Variants in CADM2 observed in about 807,000 individuals in gnomAD.
CADM2 encodes cell adhesion molecule 2.
In CADM2, 12 loss-of-function variants were observed where a neutral mutation model predicts 49.8. That is an observed-to-expected ratio of 0.24 (90% CI 0.15 to 0.39). The LOEUF (loss-of-function observed/expected upper bound fraction) is 0.39. Ranked by LOEUF, CADM2 falls within the 10% of genes least tolerant of loss-of-function variation. The probability of loss-of-function intolerance (pLI) is 1.00; values close to 1 mark genes in which losing one functional copy is unlikely to be tolerated. For missense variants in CADM2, 378 were observed against 492.3 expected (o/e 0.77, Z 2.20); for synonymous variants, 214 against 175.4 (o/e 1.22, Z -1.74).
At chr3:86,016,024 A>C (rs1295619580) in intron 8 of CADM2, among the ~76,000 whole-genome samples, 1 of 152,140 alleles carries the variant, frequency 6.6e-6, no homozygotes, top group Admixed American at 6.6e-5. Context: ...CAAAATGTGA[A>C]TTTTGTTTAA....
At chr3:85,569,138 C>T (rs1161496136) in intron 1 of CADM2, among the ~76,000 whole-genome samples, 1 of 152,116 alleles carries the variant, frequency 6.6e-6, no homozygotes, top group African/African-American at 2.4e-5. Flanking sequence ...ACCTACCTCC[C>T]CTCCACACCC....
intron 1 of CADM2, among the ~76,000 whole-genome samples, chr3:85,012,283 G>A (rs1464300046): frequency 6.7e-6 from 1 of 150,148 alleles, no homozygotes; most frequent in Non-Finnish European, 1.5e-5. Context: ...GCTTTTCCAG[G>A]TTGCTCATCC....
intron 1 of CADM2, among the ~76,000 whole-genome samples, chr3:84,993,223 C>T (rs1020450674): frequency 6.6e-6 from 1 of 151,996 alleles, no homozygotes; most frequent in Non-Finnish European, 1.5e-5. Flanking sequence ...ATTCCTAAAA[C>T]GAAAAGAAGT....
At chr3:85,031,817 GC>G (rs926588000) in intron 1 of CADM2, among the ~76,000 whole-genome samples, 1 of 152,162 alleles carries the variant, frequency 6.6e-6, no homozygotes, top group African/African-American at 2.4e-5. Context: ...ACCACGCCCG[GC>G]CCAGATGTTT....
At chr3:85,421,052 A>T (rs2036146606) in intron 1 of CADM2, among the ~76,000 whole-genome samples, 1 of 152,184 alleles carries the variant, frequency 6.6e-6, no homozygotes. Context: ...AATGTCTATT[A>T]ATATTTTAAA....
rs556266258 is a variant in CADM2, at chr3:85,297,935, C to T, written c.61+338267C>T. ...TCATGTAATAAATATTTGTTAGATG[C>T]CTTGAAAGGAAGAAATAAAAAACTG... On this transcript the variant is annotated intron_variant, in intron 1 of 9. Transcript: ENST00000383699. Among the ~76,000 whole-genome samples the T allele has an allele frequency of 3.0e-3, 453 of 151,966 alleles. 2 individuals are homozygous for T. Among genetic ancestry groups the T allele is most frequent in the Non-Finnish European group, 4.8e-3 (326 of 67,964 alleles).
chr3:85,750,620 A>C (rs953864528), intron 2 of CADM2, among the ~76,000 whole-genome samples: 1 of 152,128 alleles, frequency 6.6e-6, no homozygotes. Context: ...TCCCTTTCTC[A>C]TGGTAAGAAC....
chr3:86,038,782 A>T lies in CADM2; in HGVS notation c.971-26823A>T, dbSNP rs956404065. On this transcript the variant is annotated intron_variant, in intron 8 of 9. Coordinates refer to ENST00000383699, the MANE Select transcript of CADM2 (RefSeq NM_001167675.2). ...CCAAGCTTATGAAGTAAATGTCACT[A>T]CTTTTATTTTACATGTAAGGGAACA... Among the ~76,000 whole-genome samples, 4 of 152,152 alleles carry T rather than the reference A, an allele frequency of 2.6e-5. No individual in the cohort carries two copies. In the East Asian group the frequency reaches 7.7e-4, roughly 29 times the overall value.
intron 1 of CADM2, among the ~76,000 whole-genome samples, chr3:85,256,237 T>C (rs1357366199): frequency 2.0e-5 from 3 of 152,166 alleles, no homozygotes; most frequent in Middle Eastern, 6.8e-3. Context: ...GGCTCTTTTC[T>C]CATCAGGATC....
intron 1 of CADM2, among the ~76,000 whole-genome samples, chr3:85,544,933 G>A (rs1385219283): frequency 6.6e-6 from 1 of 152,144 alleles, no homozygotes; most frequent in African/African-American, 2.4e-5. Flanking sequence ...GAACAATCAT[G>A]TTTACATACT....
chr3:85,661,442 T>C (rs369840866), intron 1 of CADM2, among the ~76,000 whole-genome samples: 28 of 152,176 alleles, frequency 1.8e-4, no homozygotes, highest in African/African-American at 5.1e-4. Flanking sequence ...ATGAAAAAGA[T>C]GCTAGTTGGG....
At chr3:84,987,531 G>T (rs1404375004) in intron 1 of CADM2, among the ~76,000 whole-genome samples, 1 of 151,854 alleles carries the variant, frequency 6.6e-6, no homozygotes, top group Non-Finnish European at 1.5e-5. Context: ...TGAATGTCTT[G>T]CCCACCAGAT....
chr3:85,916,153 C>CATTTAAA (rs1718277737), intron 6 of CADM2, among the ~76,000 whole-genome samples: 2 of 152,002 alleles, frequency 1.3e-5, no homozygotes, highest in African/African-American at 4.8e-5. Flanking sequence ...AATACTGCCA[C>CATTTAAA]TATGATGAAA....
intron 1 of CADM2, among the ~76,000 whole-genome samples, chr3:85,147,275 C>CAAAAAAAAAAAAAAAAAA (rs759888985): frequency 1.5e-4 from 7 of 45,964 alleles, no homozygotes; most frequent in African/African-American, 3.5e-4. Context: ...GACTCTGTCT[C>CAAAAAAAAAAAAAAAAAA]AAAAAAAAAA....
intron 1 of CADM2, among the ~76,000 whole-genome samples, chr3:85,228,430 G>A (rs1038018006): frequency 1.3e-5 from 2 of 151,050 alleles, no homozygotes; most frequent in East Asian, 2.0e-4. Context: ...TATTGAAACT[G>A]TTTTCTCCCC....
chr3:85,306,295 T>G lies in CADM2; in HGVS notation c.61+346627T>G, dbSNP rs1268468682. ...ATATGTTTTTAAATTGCAAATTTGT[T>G]GTTAAGAATTGATTTTTGACTGGTA... On this transcript the variant is annotated intron_variant, in intron 1 of 9. Coordinates refer to ENST00000383699, the MANE Select transcript of CADM2 (RefSeq NM_001167675.2). Among the ~76,000 whole-genome samples, 4 of 151,642 alleles carry G rather than the reference T, an allele frequency of 2.6e-5. No individual in the cohort carries two copies. The East Asian group carries it at 7.7e-4, about 29-fold the overall frequency.
At chr3:85,383,711 A>G (rs926245561) in intron 1 of CADM2, among the ~76,000 whole-genome samples, 5 of 151,072 alleles carry the variant, frequency 3.3e-5, no homozygotes, top group Admixed American at 6.6e-5. Context: ...TTTATACAAT[A>G]TATTTAAACT....
intron 1 of CADM2, among the ~76,000 whole-genome samples, chr3:85,271,232 G>T (rs1013183182): frequency 6.6e-6 from 1 of 151,244 alleles, no homozygotes; most frequent in Non-Finnish European, 1.5e-5. Context: ...AACCTTTTGA[G>T]TTGTTTGTTT....
chr3:85,642,297 T>C (rs1042592927), intron 1 of CADM2, among the ~76,000 whole-genome samples: 1 of 152,146 alleles, frequency 6.6e-6, no homozygotes, highest in East Asian at 1.9e-4. Context: ...TTATTTAAAC[T>C]TTAAACCTAA....
Sources: allele counts gnomAD v4.1 joint callset (sites outside exome capture counted in the v4.1 genomes callset), GRCh38; gene constraint gnomAD v4.1.1; transcripts MANE v1.5; gene names NCBI Gene and HGNC (gene_info 2026-07-23, HGNC 2026-07-21).